The following CREB5 variants were observed in gnomAD, a reference collection of about 807,000 sequenced individuals.
The protein encoded by CREB5 is cAMP responsive element binding protein 5, also known as cyclic AMP-responsive element-binding protein 5.
In CREB5, 19 loss-of-function variants were observed where a neutral mutation model predicts 57.1. The ratio of observed to expected loss-of-function variants is 0.33; its 90% CI spans 0.23 to 0.49. CREB5 has a LOEUF of 0.49. Among genes scored for constraint, CREB5 ranks in the 20% least tolerant of loss-of-function variants. CREB5 has a pLI of 0.99. For synonymous variants in CREB5, 238 were observed against 238.3 expected (o/e 1.00, Z 0.01); for missense variants, 579 against 671.6 (o/e 0.86, Z 1.52).
At chr7:28,405,422 CT>C (rs904164361) in intron 1 of CREB5, among the ~76,000 whole-genome samples, 6 of 152,008 alleles carry the variant, frequency 3.9e-5, no homozygotes, top group Non-Finnish European at 8.8e-5. Context: ...GTCTCTTTTC[CT>C]TTTTTTGAAA....
intron 1 of CREB5, among the ~76,000 whole-genome samples, chr7:28,427,869 T>C (rs1293672562): frequency 6.6e-6 from 1 of 152,136 alleles, no homozygotes; most frequent in Non-Finnish European, 1.5e-5. Context: ...TCACTAAAGG[T>C]GGATCTTTGC....
chr7:28,642,332 GC>G (rs1192151371), intron 5 of CREB5, among the ~76,000 whole-genome samples: 1 of 152,150 alleles, frequency 6.6e-6, no homozygotes, highest in African/African-American at 2.4e-5. Flanking sequence ...GGTATGGATA[GC>G]AACCAAATAA....
At chr7:28,689,169 G>A (rs1365132908) in intron 5 of CREB5, among the ~76,000 whole-genome samples, 2 of 152,086 alleles carry the variant, frequency 1.3e-5, no homozygotes, top group African/African-American at 2.4e-5. Flanking sequence ...ACATTTACAT[G>A]CATTCATAAG....
intron 5 of CREB5, among the ~76,000 whole-genome samples, chr7:28,590,604 C>G (rs148558603): frequency 6.6e-6 from 1 of 150,658 alleles, no homozygotes; most frequent in Admixed American, 6.6e-5. Flanking sequence ...GTGCAGCACA[C>G]GAACATGCCA....
At chr7:28,385,678 A>C (rs78783389) in intron 1 of CREB5, among the ~76,000 whole-genome samples, 14,435 of 149,278 alleles carry the variant, frequency 0.097, 849 homozygotes, top group East Asian at 0.25. Flanking sequence ...CCCTGTCTCA[A>C]AAAAAAAAAA....
intron 5 of CREB5, among the ~76,000 whole-genome samples, chr7:28,599,424 G>T (rs974889041): frequency 6.6e-6 from 1 of 152,156 alleles, no homozygotes; most frequent in Non-Finnish European, 1.5e-5. Context: ...ATCCATGAGA[G>T]TGTCTGGAAA....
Position 28,412,918 on chromosome 7 carries a change from G to A in CREB5, c.3+1G>A. ...TGCTGCTTTTATTCTACAGATAATGGTAAGGATGATGTTTATTATGCATAT... is the reference window on the plus strand; with the variant it reads ...TGCTGCTTTTATTCTACAGATAATGATAAGGATGATGTTTATTATGCATAT... On this transcript the variant is annotated splice_donor_variant, in intron 1 of 10. Transcript: ENST00000357727. LOFTEE classifies it high-confidence loss of function. The A allele has an allele frequency of 6.7e-7, 1 of 1,483,132 alleles. No individual in the cohort carries two copies. Among genetic ancestry groups the A allele is most frequent in the Non-Finnish European group, 9.0e-7 (1 of 1,112,646 alleles). 91.9% of individuals were successfully genotyped at this position (1,483,132 alleles called of 1,614,324 possible).
intron 1 of CREB5, among the ~76,000 whole-genome samples, chr7:28,423,411 G>C (rs1788357569): frequency 6.6e-6 from 1 of 152,264 alleles, no homozygotes; most frequent in Admixed American, 6.5e-5. Flanking sequence ...AGGAGGGTGA[G>C]GGGGTGCAAG....
intron 1 of CREB5, among the ~76,000 whole-genome samples, chr7:28,449,698 T>C (rs2128567088): frequency 6.6e-6 from 1 of 152,378 alleles, no homozygotes; most frequent in Middle Eastern, 3.4e-3. Flanking sequence ...AATCATGTGT[T>C]AGGATCCTTC....
At chr7:28,364,693 C>T (rs1164526085) in intron 1 of CREB5, among the ~76,000 whole-genome samples, 4 of 152,188 alleles carry the variant, frequency 2.6e-5, no homozygotes, top group Admixed American at 6.5e-5. Flanking sequence ...CCCTCTTGCT[C>T]CATCTGCACC....
At chr7:28,605,664 G>A (rs995312822) in intron 5 of CREB5, among the ~76,000 whole-genome samples, 1 of 152,106 alleles carries the variant, frequency 6.6e-6, no homozygotes, top group African/African-American at 2.4e-5. Context: ...TCCATCTCTG[G>A]TCTTGTTATC....
intron 4 of CREB5, among the ~76,000 whole-genome samples, chr7:28,549,011 A>T (rs767044937): frequency 3.3e-5 from 5 of 152,240 alleles, no homozygotes; most frequent in Non-Finnish European, 5.9e-5. Flanking sequence ...TTAAGGAGGA[A>T]TCATCTTATT....
At chr7:28,511,056 A>G (rs1039976877) in intron 4 of CREB5, among the ~76,000 whole-genome samples, 1 of 152,148 alleles carries the variant, frequency 6.6e-6, no homozygotes, top group Non-Finnish European at 1.5e-5. Flanking sequence ...AGATGATAAA[A>G]AACAAACAAA....
At chr7:28,357,535 T>C (rs1007721179) in intron 1 of CREB5, among the ~76,000 whole-genome samples, 3 of 152,176 alleles carry the variant, frequency 2.0e-5, no homozygotes, top group South Asian at 2.1e-4. Context: ...AAAAATTTTT[T>C]TCGTGGGTCT....
rs1583569406 is a variant in CREB5, at chr7:28,519,342, A to G, written c.291+11605A>G. Among the ~76,000 whole-genome samples, 6 of 152,314 alleles carry G rather than the reference A, an allele frequency of 3.9e-5. No individual in the cohort carries two copies. In the Middle Eastern group the frequency reaches 0.02, roughly 518 times the overall value. On this transcript the variant is annotated intron_variant, in intron 4 of 10. Coordinates refer to ENST00000357727, the MANE Select transcript of CREB5 (RefSeq NM_182898.4). ...GAATTCAGACTTTGGGAACAATTTCATGCCAATTTCTGGGAAGTTCTGGCA... is the reference window on the plus strand; with the variant it reads ...GAATTCAGACTTTGGGAACAATTTCGTGCCAATTTCTGGGAAGTTCTGGCA...
chr7:28,446,156 C>T (rs116706139), intron 1 of CREB5, among the ~76,000 whole-genome samples: 1 of 152,244 alleles, frequency 6.6e-6, no homozygotes, highest in African/African-American at 2.4e-5. Context: ...ACAGTCTGCC[C>T]ACTGTTTCCT....
At chr7:28,790,260 G>A (rs1415454556) in intron 7 of CREB5, among the ~76,000 whole-genome samples, 1 of 152,094 alleles carries the variant, frequency 6.6e-6, no homozygotes, top group Non-Finnish European at 1.5e-5. Flanking sequence ...CATAGCAAAT[G>A]TTATCCAACC....
rs140227917 is a variant in CREB5 at position 28,621,720 on chromosome 7, C to T, written c.464+51183C>T. On this transcript the variant is annotated intron_variant, in intron 5 of 10. Coordinates refer to ENST00000357727, the MANE Select transcript of CREB5 (RefSeq NM_182898.4). ...TGTCTGTGGTGCGCTGTGAAGTCAACCTTCCGGACACAAGTGTTCTGTGTG... is the reference window on the plus strand; with the variant it reads ...TGTCTGTGGTGCGCTGTGAAGTCAATCTTCCGGACACAAGTGTTCTGTGTG... Among the ~76,000 whole-genome samples the T allele has an allele frequency of 5.2e-4, 79 of 152,280 alleles. 1 individual carries two copies. The highest frequency in any genetic ancestry group is 1.9e-3 in the African/African-American group (78 of 41,556).
chr7:28,530,446 A>G (rs1264184873), intron 4 of CREB5, among the ~76,000 whole-genome samples: 1 of 152,198 alleles, frequency 6.6e-6, no homozygotes, highest in Non-Finnish European at 1.5e-5. Flanking sequence ...AGCCAATGTC[A>G]AGGGCTCCTA....
Sources: gnomAD v4.1 joint callset for allele counts (sites outside exome capture counted in the v4.1 genomes callset) on GRCh38, gnomAD v4.1.1 for gene constraint, MANE v1.5 for transcripts, NCBI Gene and HGNC (gene_info 2026-07-23, HGNC 2026-07-21) for gene names.